Variants in FKBP11 observed in about 807,000 individuals in gnomAD.
FKBP11 encodes FKBP prolyl isomerase 11.
Under a neutral mutation model 24.7 loss-of-function variants are expected in FKBP11, and 21 were observed. The ratio of observed to expected loss-of-function variants is 0.85; its 90% CI spans 0.60 to 1.23. The LOEUF (loss-of-function observed/expected upper bound fraction) is 1.23, where lower values mean the gene tolerates loss of function less well. Ranked by LOEUF, FKBP11 falls within the 50% of genes most tolerant of loss-of-function variation. FKBP11 has a pLI of 0.00. For missense variants in FKBP11, 245 were observed against 248.7 expected (o/e 0.99, Z 0.10); for synonymous variants, 106 against 100.6 (o/e 1.05, Z -0.32).
chr12:48,925,586 C>T, upstream of FKBP11: 3 of 963,940 alleles, frequency 3.1e-6, no homozygotes, highest in Non-Finnish European at 4.5e-6. Flanking sequence ...CACCTTGTCC[C>T]CACCTCCGAA....
the FKBP11 span, chr12:48,931,645 G>C: frequency 3.3e-6 from 2 of 608,286 alleles, no homozygotes; most frequent in Non-Finnish European, 5.7e-6. Flanking sequence ...CAGTACCTGG[G>C]CTTCCAAGAC....
chr12:48,927,512 A>AT (rs1480227994), upstream of FKBP11, among the ~76,000 whole-genome samples: 1 of 152,178 alleles, frequency 6.6e-6, no homozygotes, highest in Non-Finnish European at 1.5e-5. Context: ...GTATCAAGAT[A>AT]TTTTTTAAGT....
rs2272312 is a variant in FKBP11, at chr12:48,925,487, C to A, written c.-59G>T. On this transcript the variant is annotated 5_prime_UTR_variant, in exon 1 of 6. Coordinates refer to ENST00000550765, the MANE Select transcript of FKBP11 (RefSeq NM_016594.3). ...GACAGGCTGTTCGGGTGGCGGCAGCCAGGACAGCGTTCCCGCGGCGCCCAG... is the reference window on the plus strand; with the variant it reads ...GACAGGCTGTTCGGGTGGCGGCAGCAAGGACAGCGTTCCCGCGGCGCCCAG... The A allele has an allele frequency of 2.6e-6, 4 of 1,517,734 alleles. No individual in the cohort carries two copies. The South Asian group carries it at 3.7e-5, about 14-fold the overall frequency. 94.0% of individuals were successfully genotyped at this position (1,517,734 alleles called of 1,614,324 possible).
At chr12:48,928,138 G>C (rs1208337204), upstream of FKBP11, among the ~76,000 whole-genome samples, 2 of 139,704 alleles carry the variant, frequency 1.4e-5, no homozygotes, top group South Asian at 4.7e-4. Context: ...TCTGCCTCCT[G>C]GGCTCAAGTG....
rs148302547 is a variant in FKBP11, at chr12:48,922,038, T to C, written c.552A>G (p.Lys184=). 1.8e-4 allele frequency: 298 copies of C among 1,613,886 alleles called. 2 individuals carry two copies. The African/African-American group carries it at 3.6e-3, about 19-fold the overall frequency. Residue 184 remains lysine (K), a synonymous_variant, in exon 6 of 6, where the codon AAA becomes AAG. Transcript: ENST00000550765. ...CTTCCTTGAGCTTCTTTTTGGAGAC[T>C]TTGGGTCTATTGGCCTTTCTGTATA... The part of the protein sequence containing the change: ...YHLYRKANRP[K]VSKKKLKEEK...
chr12:48,924,500 G>A (rs1939907921), intron 3 of FKBP11, 61 bp downstream of exon 3: 5 of 1,495,360 alleles, frequency 3.3e-6, no homozygotes, highest in African/African-American at 1.4e-5. Context: ...CTTTGGAGCC[G>A]AAGAGGCTAA....
rs777058660 is a variant in FKBP11 at position 48,922,021 on chromosome 12, A to G, written c.569T>C (p.Leu190Pro). 6.2e-7 allele frequency: 1 copy of G among 1,611,194 alleles called. No individual in the cohort carries two copies. ...GCTCTTGTTTCGTTTCTCTTCCTTG[A>G]GCTTCTTTTTGGAGACTTTGGGTCT... Reference protein sequence around the residue: ...ANRPKVSKKKLKEEKRNKSKK... With the variant: ...ANRPKVSKKKPKEEKRNKSKK... Residue 190 changes from leucine to proline, a missense_variant, in exon 6 of 6, where the codon CTC (leucine) becomes CCC (proline). Transcript: ENST00000550765.
chr12:48,923,423 G>T, intron 5 of FKBP11: 2 of 1,520,854 alleles, frequency 1.3e-6, no homozygotes, highest in South Asian at 1.2e-5. Context: ...GGAAGGGGTG[G>T]GGGGTGGCTG....
chr12:48,930,053 A>G (rs1341493128), upstream of FKBP11, among the ~76,000 whole-genome samples: 2 of 152,242 alleles, frequency 1.3e-5, no homozygotes, highest in African/African-American at 4.8e-5. Context: ...TGGCAAGGTC[A>G]AGGTTGCAAT....
intron 4 of FKBP11, 179 bp downstream of exon 4, chr12:48,924,044 C>G: frequency 1.1e-6 from 1 of 886,110 alleles, no homozygotes; most frequent in East Asian, 2.6e-5. Flanking sequence ...CCGACAAAAG[C>G]AACAGCGCAA....
rs776403275 is a variant in FKBP11, at chr12:48,925,352, T to A, written c.77A>T (p.Glu26Val). ...LLLSAAVCRAEAGLETESPVR... is the reference protein window; with the variant it reads ...LLLSAAVCRAVAGLETESPVR... Reference sequence around the variant, plus strand: ...GGGACTTTCGGTTTCGAGCCCAGCCTCAGCCCGGCACACCGCCGCACTGAG... The same window carrying A: ...GGGACTTTCGGTTTCGAGCCCAGCCACAGCCCGGCACACCGCCGCACTGAG... The change falls in exon 1 of 6, where the codon GAG becomes GTG. Residue 26 changes from glutamate to valine, a missense_variant. Glu to Val is a moderately radical substitution (Grantham distance 121). Coordinates refer to ENST00000550765, the MANE Select transcript of FKBP11 (RefSeq NM_016594.3). 1.2e-6 allele frequency: 2 copies of A among 1,608,192 alleles called. No individual in the cohort carries two copies. The highest frequency in any genetic ancestry group is 2.2e-5 in the South Asian group (2 of 89,644).
intron 5 of FKBP11, chr12:48,923,185 G>A: frequency 8.3e-7 from 1 of 1,207,930 alleles, no homozygotes; most frequent in Non-Finnish European, 1.0e-6. Flanking sequence ...AATACTCTGT[G>A]GAGTACAACA....
At chr12:48,924,710 A>C in intron 2 of FKBP11, 62 bp from the exon 3 acceptor site, 1 of 1,589,096 alleles carries the variant, frequency 6.3e-7, no homozygotes, top group South Asian at 1.1e-5. Flanking sequence ...CAGGCGCGCA[A>C]CACACACCTG....
intron 5 of FKBP11, chr12:48,922,461 A>C: frequency 1.1e-6 from 1 of 915,162 alleles, no homozygotes; most frequent in Non-Finnish European, 1.4e-6. Flanking sequence ...ACTTTCTGTG[A>C]ATATGAAATG....
At chr12:48,926,517 A>ATTTTTT (rs1389912066), upstream of FKBP11, 1 of 77,270 alleles carries the variant, frequency 1.3e-5, no homozygotes, top group African/African-American at 3.7e-5. Flanking sequence ...GAGCCACCAG[A>ATTTTTT]TTTCTTTTTT....
At chr12:48,929,123 G>C (rs1008837948), upstream of FKBP11, among the ~76,000 whole-genome samples, 1 of 150,812 alleles carries the variant, frequency 6.6e-6, no homozygotes, top group Non-Finnish European at 1.5e-5. Flanking sequence ...CACCGCGCCC[G>C]GCCTTTAAAC....
the FKBP11 span, chr12:48,931,590 C>A: frequency 1.1e-6 from 1 of 920,146 alleles, no homozygotes; most frequent in Non-Finnish European, 1.6e-6. Flanking sequence ...GAAAAGCCTC[C>A]ACACTCAAAG....
upstream of FKBP11, chr12:48,925,563 G>A: frequency 8.9e-7 from 1 of 1,123,744 alleles, no homozygotes; most frequent in Non-Finnish European, 1.2e-6. Flanking sequence ...TCCTCCTCCT[G>A]CAGCCCTTCC....
the FKBP11 span, among the ~76,000 whole-genome samples, chr12:48,935,018 C>CAAAAAAAAA: frequency 2.3e-5 from 2 of 87,528 alleles, no homozygotes; most frequent in Non-Finnish European, 4.2e-5. Context: ...AATTCCGTCT[C>CAAAAAAAAA]AAAAAAAAAA....
Sources: allele counts gnomAD v4.1 joint callset (sites outside exome capture counted in the v4.1 genomes callset), GRCh38; gene constraint gnomAD v4.1.1; transcripts MANE v1.5; gene names NCBI Gene and HGNC (gene_info 2026-07-23, HGNC 2026-07-21).